Variants in PREX1 observed in about 807,000 individuals in gnomAD.
PREX1 encodes the protein phosphatidylinositol-3,4,5-trisphosphate dependent Rac exchange factor 1, also known as phosphatidylinositol 3,4,5-trisphosphate-dependent Rac exchanger 1 protein.
Under a neutral mutation model 198.3 loss-of-function variants are expected in PREX1, and 41 were observed. The ratio of observed to expected loss-of-function variants is 0.21; its 90% confidence interval spans 0.16 to 0.27. PREX1 has a LOEUF of 0.27. Among genes scored for constraint, PREX1 ranks in the 10% least tolerant of loss-of-function variants. The pLI is 1.00. For synonymous variants in PREX1, 843 were observed against 887.2 expected, an observed-to-expected ratio of 0.95 and a Z score of 0.89; for missense variants, 1,620 against 2,200.7, an observed-to-expected ratio of 0.74 and a Z score of 5.28.
the PREX1 span, among the ~76,000 whole-genome samples, chr20:48,857,777 C>G: frequency 6.6e-6 from 1 of 151,882 alleles, no homozygotes; most frequent in Non-Finnish European, 1.5e-5. Context: ...TGTGTCAAAA[C>G]AAAACAAAAA....
At position 48,652,844 on chromosome 20, in the gene PREX1, G is replaced by T. The variant is rs192481081; in HGVS notation, c.2347-138C>A. The T allele has an allele frequency of 2.0e-4, 207 of 1,059,440 alleles. No homozygotes were observed. The African/African-American group carries it at 2.9e-3, about 15-fold the overall frequency. 65.6% of individuals were successfully genotyped at this position (1,059,440 alleles called of 1,614,324 possible). ...ACCAGTCACACTCAGCCCTCACCGT[G>T]CACAGTCTATGCTCCATACAGAAGC... is the stretch of plus-strand genomic sequence containing the variant. On this transcript the variant is annotated intron_variant, in intron 20 of 39. Coordinates refer to ENST00000371941, the MANE Select transcript of PREX1 (RefSeq NM_020820.4).
At chr20:48,821,214 G>A (rs1320663049) in intron 1 of PREX1, among the ~76,000 whole-genome samples, 1 of 152,074 alleles carries the variant, frequency 6.6e-6, no homozygotes, top group Non-Finnish European at 1.5e-5. Context: ...AAAAAAACGG[G>A]GGGATTTTTG....
chr20:48,833,503 G>C, the PREX1 span, among the ~76,000 whole-genome samples: 13 of 147,194 alleles, frequency 8.8e-5, no homozygotes, highest in African/African-American at 3.0e-4. Flanking sequence ...ATGCAATGCC[G>C]CGATCTCGGC....
chr20:48,629,236 C>G (rs2089295302), intron 37 of PREX1, among the ~76,000 whole-genome samples: 1 of 152,208 alleles, frequency 6.6e-6, no homozygotes, highest in South Asian at 2.1e-4. Context: ...GTTAGAGAAG[C>G]AGGTGGCTCC....
the PREX1 span, among the ~76,000 whole-genome samples, chr20:48,874,173 T>C: frequency 1.3e-5 from 2 of 152,194 alleles, no homozygotes; most frequent in Admixed American, 1.3e-4. Flanking sequence ...ATTTTATAAA[T>C]GAGGAATCTG....
At chr20:48,697,078 A>C (rs1428470906) in intron 7 of PREX1, among the ~76,000 whole-genome samples, 1 of 152,180 alleles carries the variant, frequency 6.6e-6, no homozygotes, top group Non-Finnish European at 1.5e-5. Context: ...GGAAGATCCA[A>C]GGGGCAGAAG....
intron 14 of PREX1, among the ~76,000 whole-genome samples, chr20:48,669,361 T>A (rs556797133): frequency 6.6e-6 from 1 of 152,008 alleles, no homozygotes; most frequent in African/African-American, 2.4e-5. Flanking sequence ...TCACACACAC[T>A]CAGTACCCTG....
At chr20:48,682,154 A>G (rs1236200470) in intron 10 of PREX1, among the ~76,000 whole-genome samples, 1 of 152,046 alleles carries the variant, frequency 6.6e-6, no homozygotes, top group Non-Finnish European at 1.5e-5. Context: ...CCTTTCCCTT[A>G]TTAAAAAATA....
At chr20:48,858,635 C>T in the PREX1 span, among the ~76,000 whole-genome samples, 1 of 152,204 alleles carries the variant, frequency 6.6e-6, no homozygotes. Flanking sequence ...TGGCCTCACT[C>T]CTGTGTTAAG....
At chr20:48,677,093 T>C (rs1311319531) in intron 13 of PREX1, among the ~76,000 whole-genome samples, 1 of 152,208 alleles carries the variant, frequency 6.6e-6, no homozygotes, top group Admixed American at 6.5e-5. Context: ...AAAGTCTAGT[T>C]GGAGGATTTC....
At chr20:48,765,163 A>G (rs2090202839) in intron 1 of PREX1, among the ~76,000 whole-genome samples, 1 of 152,224 alleles carries the variant, frequency 6.6e-6, no homozygotes, top group Non-Finnish European at 1.5e-5. Flanking sequence ...ACACAATCCT[A>G]ATACTCTGTT....
Position 48,816,851 on chromosome 20 carries a change from C to A in PREX1, c.219+10791G>T, listed in dbSNP as rs374065233. ...GCCTCATGAGACCTTCAGTAGAAAA[C>A]CCAGTTACATTGCACCCAGACTTCT... On this transcript the variant is annotated intron_variant, in intron 1 of 39. Transcript: ENST00000371941. Among the ~76,000 whole-genome samples, 7 of 152,318 alleles carry A rather than the reference C, an allele frequency of 4.6e-5. 1 individual carries two copies. The highest frequency in any genetic ancestry group is 3.9e-4 in the East Asian group (2 of 5,192).
chr20:48,878,166 C>G, the PREX1 span, among the ~76,000 whole-genome samples: 5 of 152,118 alleles, frequency 3.3e-5, no homozygotes, highest in African/African-American at 1.2e-4. Context: ...CCAACATGCA[C>G]CCTGCCCCAA....
chr20:48,867,748 T>C, the PREX1 span, among the ~76,000 whole-genome samples: 1 of 152,216 alleles, frequency 6.6e-6, no homozygotes, highest in East Asian at 1.9e-4. Flanking sequence ...TGAGCCAAGA[T>C]TGTGCCACTG....
chr20:48,649,583 T>G lies in PREX1; in HGVS notation c.3029-7A>C. On this transcript the variant is annotated splice_region_variant and splice_polypyrimidine_tract_variant and intron_variant, in intron 24 of 39. Coordinates refer to ENST00000371941, the MANE Select transcript of PREX1 (RefSeq NM_020820.4). ...GACATGGGGTTCAGGTGGCCTGCAG[T>G]GGAGGAAGAGAGAGCTCACTGGAAA... 6.3e-7 allele frequency: 1 copy of G among 1,576,754 alleles called. No homozygotes were observed. The highest frequency in any genetic ancestry group is 8.6e-7 in the Non-Finnish European group (1 of 1,159,536).
intron 14 of PREX1, among the ~76,000 whole-genome samples, chr20:48,670,708 G>C (rs997393452): frequency 1.3e-5 from 2 of 152,162 alleles, no homozygotes; most frequent in Non-Finnish European, 2.9e-5. Context: ...ATTTGCCCTT[G>C]ATTCTCCTAG....
chr20:48,759,945 T>TACAA (rs898564398), intron 1 of PREX1, among the ~76,000 whole-genome samples: 1 of 151,906 alleles, frequency 6.6e-6, no homozygotes, highest in East Asian at 1.9e-4. Flanking sequence ...CTACCAAAAA[T>TACAA]ACAAACAAAC....
chr20:48,631,345 G>A (rs1214263806), intron 35 of PREX1, among the ~76,000 whole-genome samples: 1 of 152,220 alleles, frequency 6.6e-6, no homozygotes, highest in Admixed American at 6.5e-5. Context: ...GGGAGACAAG[G>A]AGGGCCAGAT....
chr20:48,712,167 G>C (rs2089934813), intron 5 of PREX1, among the ~76,000 whole-genome samples: 1 of 152,130 alleles, frequency 6.6e-6, no homozygotes, highest in Non-Finnish European at 1.5e-5. Context: ...GTTAAGCTTG[G>C]CCATCAGTGA....
Sources: gnomAD v4.1 joint callset for allele counts (sites outside exome capture counted in the v4.1 genomes callset) on GRCh38, gnomAD v4.1.1 for gene constraint, MANE v1.5 for transcripts, NCBI Gene and HGNC (gene_info 2026-07-23, HGNC 2026-07-21) for gene names.